The following NBR1 variants were observed in gnomAD, a reference collection of about 807,000 sequenced individuals.
NBR1 encodes next to BRCA1 gene 1 protein.
Under a neutral mutation model 115.5 loss-of-function variants are expected in NBR1, and 59 were observed. That is an observed-to-expected ratio of 0.51 (90% CI 0.41 to 0.63). The LOEUF (loss-of-function observed/expected upper bound fraction) is 0.63. Among genes scored for constraint, NBR1 ranks in the 30% least tolerant of loss-of-function variants. The probability of loss-of-function intolerance (pLI) is 0.00; values close to 1 mark genes in which losing one functional copy is unlikely to be tolerated. For synonymous variants in NBR1, 373 were observed against 414.7 expected, an observed-to-expected ratio of 0.90 and a Z score of 1.22; for missense variants, 1,043 against 1,150.5, an observed-to-expected ratio of 0.91 and a Z score of 1.35.
Position 43,175,878 on chromosome 17 carries a change from AC to A in NBR1, c.80del (p.Thr27IlefsTer9). The A allele has an allele frequency of 6.2e-7, 1 of 1,600,018 alleles. No individual in the cohort carries two copies. Among genetic ancestry groups the A allele is most frequent in the East Asian group, 2.2e-5 (1 of 44,806 alleles). On this transcript the variant is annotated frameshift_variant, in exon 2 of 21. Coordinates refer to ENST00000590996, the MANE Select transcript of NBR1 (RefSeq NM_005899.5). LOFTEE classifies it high-confidence loss of function. ...SFLVSDPENT[T>X]WADIEAMVKV... ...TCTGGTTTCTGATCCAGAAAATACA[AC>A]TTGGGCTGATATCGAAGCTATGGTG... is the stretch of plus-strand genomic sequence containing the variant.
intron 7 of NBR1, 93 bp from the exon 8 acceptor site, chr17:43,189,495 A>T: frequency 1.2e-6 from 1 of 843,110 alleles, no homozygotes; most frequent in Non-Finnish European, 1.9e-6. Flanking sequence ...GTATTATACC[A>T]GAGACAGTTA....
Position 43,193,336 on chromosome 17 carries a change from T to G in NBR1, c.1234-12T>G, listed in dbSNP as rs775950247. The G allele has an allele frequency of 6.2e-7, 1 of 1,612,950 alleles. No homozygotes were observed. Among genetic ancestry groups the G allele is most frequent in the Non-Finnish European group, 8.5e-7 (1 of 1,179,002 alleles). On this transcript the variant is annotated splice_polypyrimidine_tract_variant and intron_variant, in intron 11 of 20. Coordinates refer to ENST00000590996, the MANE Select transcript of NBR1 (RefSeq NM_005899.5). ...TGACAAGCTTGCTTTCTCTTCTTAC[T>G]GTTCTTTTCAGCTCAAGTTCATGTG...
In NBR1 at chr17:43,189,215, A is replaced by AG; in HGVS notation, c.480+97dup. ...CTGAACCCAGGTGGCTGCTGCCTCT[A>AG]GTACCGGTGAAGAGTGGTAGCTTAT... On this transcript the variant is annotated intron_variant, in intron 7 of 20. Transcript: ENST00000590996. 3 of 873,488 alleles carry AG rather than the reference A, an allele frequency of 3.4e-6. No individual in the cohort carries two copies. In the East Asian group the frequency reaches 7.2e-5, roughly 21 times the overall value. The allele number at this position is 873,488 out of a possible 1,614,324, so 54.1% of individuals were successfully genotyped here.
chr17:43,176,869 C>T (rs1211397429), intron 2 of NBR1, among the ~76,000 whole-genome samples: 2 of 151,980 alleles, frequency 1.3e-5, no homozygotes, highest in Non-Finnish European at 2.9e-5. Flanking sequence ...CTCCATTCTC[C>T]CCCCCCTCAT....
At chr17:43,209,614 GC>G (rs1567871762) in intron 20 of NBR1, 2 of 1,535,526 alleles carry the variant, frequency 1.3e-6, no homozygotes, top group South Asian at 2.4e-5. Context: ...CTTCCTGAAA[GC>G]CCCGAGTGAA....
Position 43,189,098 on chromosome 17 carries a change from G to A in NBR1, c.459G>A (p.Trp153Ter), listed in dbSNP as rs1161460099. 1 of 1,612,414 alleles carries A rather than the reference G, an allele frequency of 6.2e-7. No individual in the cohort carries two copies. The change falls in exon 7 of 21, where the codon TGG becomes TGA. Residue 153 changes from tryptophan (W) to a stop codon, truncating the protein, a stop_gained. Coordinates refer to ENST00000590996, the MANE Select transcript of NBR1 (RefSeq NM_005899.5). LOFTEE classifies it high-confidence loss of function. ...AGCCTCAAGACAAGCCCCCAGACTG[G>A]TTCACAAGCTACCTGGAGACGGTGA... Reference protein sequence around the residue: ...TDQPQDKPPDWFTSYLETFRE... With the variant: ...TDQPQDKPPD
chr17:43,171,040 A>C (rs1231967312), upstream of NBR1: 1 of 152,318 alleles, frequency 6.6e-6, no homozygotes, highest in Non-Finnish European at 1.5e-5. Context: ...TCCGCCCCTC[A>C]GCCTCAATGT....
At chr17:43,178,094 T>C (rs2056568787) in intron 3 of NBR1, 96 bp downstream of exon 3, 2 of 1,403,084 alleles carry the variant, frequency 1.4e-6, no homozygotes, top group Non-Finnish European at 1.9e-6. Context: ...AGTGTTTAGC[T>C]TATTTGTGTG....
chr17:43,203,793 G>A lies in NBR1; in HGVS notation c.2727+7G>A. On this transcript the variant is annotated splice_region_variant and intron_variant, in intron 20 of 20. Transcript: ENST00000590996. ...GCCACCAGTCACTGCACAGGTCAGT[G>A]TGTGTGTTTTATTTTCCTGAATCTC... 6.5e-7 allele frequency: 1 copy of A among 1,543,060 alleles called. No individual in the cohort carries two copies. Among genetic ancestry groups the A allele is most frequent in the Non-Finnish European group, 8.8e-7 (1 of 1,132,924 alleles).
chr17:43,189,074 G>A lies in NBR1; in HGVS notation c.435G>A (p.Gln145=), dbSNP rs1360318566. 1 of 1,613,052 alleles carries A rather than the reference G, an allele frequency of 6.2e-7. No individual in the cohort carries two copies. Among genetic ancestry groups the A allele is most frequent in the East Asian group, 2.2e-5 (1 of 44,870 alleles). ...SFPLVPCDTD[Q]PQDKPPDWFT... is the part of the protein sequence containing the mutation. Reference sequence around the variant, plus strand: ...CACTTGTTCCATGTGACACAGACCAGCCTCAAGACAAGCCCCCAGACTGGT... The same window carrying A: ...CACTTGTTCCATGTGACACAGACCAACCTCAAGACAAGCCCCCAGACTGGT... Residue 145 remains glutamine, a synonymous_variant, in exon 7 of 21, where the codon CAG becomes CAA. Transcript: ENST00000590996.
rs202007343 is a variant in NBR1, at chr17:43,181,990, CA to C, written c.207+1181del. ...CAAGAGGGAAACTCCATCTCAAAGA[CA>C]AAAAAAACCCAAAAAACTCTTGATG... On this transcript the variant is annotated intron_variant, in intron 5 of 20. Coordinates refer to ENST00000590996, the MANE Select transcript of NBR1 (RefSeq NM_005899.5). Among the ~76,000 whole-genome samples the C allele has an allele frequency of 3.3e-5, 5 of 150,696 alleles. 1 individual carries two copies. The highest frequency in any genetic ancestry group is 7.4e-5 in the African/African-American group (3 of 40,728).
At chr17:43,174,424 C>A (rs1352491322) in intron 1 of NBR1, among the ~76,000 whole-genome samples, 1 of 152,058 alleles carries the variant, frequency 6.6e-6, no homozygotes, top group African/African-American at 2.4e-5. Flanking sequence ...GGTGAAACCC[C>A]GTCTCTACTA....
intron 3 of NBR1, 119 bp from the exon 4 acceptor site, chr17:43,179,275 A>G (rs1008882917): frequency 8.0e-5 from 65 of 814,276 alleles, no homozygotes; most frequent in Admixed American, 2.0e-4. Context: ...AGCAAGTGAT[A>G]TGGAAAAGCT....
At chr17:43,202,407 A>T (rs556901482) in intron 18 of NBR1, among the ~76,000 whole-genome samples, 2 of 152,076 alleles carry the variant, frequency 1.3e-5, no homozygotes, top group East Asian at 3.9e-4. Flanking sequence ...AAAATATATC[A>T]GTGTGTTAGG....
At chr17:43,208,714 C>T (rs926162270) in intron 20 of NBR1, among the ~76,000 whole-genome samples, 7 of 152,112 alleles carry the variant, frequency 4.6e-5, no homozygotes, top group Non-Finnish European at 8.8e-5. Flanking sequence ...ATCTATAATC[C>T]CAGCATTTTG....
intron 8 of NBR1, 198 bp from the exon 9 acceptor site, chr17:43,190,411 C>A: frequency 1.7e-6 from 1 of 585,090 alleles, no homozygotes; most frequent in Non-Finnish European, 3.1e-6. Flanking sequence ...CATAGATTTT[C>A]ATTTAAAATG....
Position 43,179,192 on chromosome 17 carries a change from C to T in NBR1, c.166-202C>T, listed in dbSNP as rs527710340. On this transcript the variant is annotated intron_variant, in intron 3 of 20. Transcript: ENST00000590996. ...AGCTCCTAACTGTTATATTGCACTG[C>T]CTTTTAATGTATCTGAAATAAAGGA... is the stretch of plus-strand genomic sequence containing the variant. 5.5e-4 allele frequency among the ~76,000 whole-genome samples: 84 copies of T among 152,250 alleles called. No homozygotes were observed. The South Asian group carries it at 0.014, about 25-fold the overall frequency.
intron 1 of NBR1, among the ~76,000 whole-genome samples, chr17:43,171,612 TTGGGAACA>T (rs1175735264): frequency 6.6e-6 from 1 of 152,152 alleles, no homozygotes; most frequent in Non-Finnish European, 1.5e-5. Context: ...TGACACTGTC[TTGGGAACA>T]TGGAGTGCTA....
chr17:43,205,300 G>A (rs2057292592), intron 20 of NBR1, among the ~76,000 whole-genome samples: 1 of 152,158 alleles, frequency 6.6e-6, no homozygotes, highest in African/African-American at 2.4e-5. Context: ...GTTGCAGTGA[G>A]CTGAGATTGT....
Sources: gnomAD v4.1 joint callset for allele counts (sites outside exome capture counted in the v4.1 genomes callset) on GRCh38, gnomAD v4.1.1 for gene constraint, MANE v1.5 for transcripts, NCBI Gene and HGNC (gene_info 2026-07-23, HGNC 2026-07-21) for gene names.